Variants in SCHIP1 observed in about 807,000 individuals in gnomAD.
The protein encoded by SCHIP1 is schwannomin interacting protein 1.
In SCHIP1, 8 loss-of-function variants were observed where a neutral mutation model predicts 29.7. The observed-to-expected ratio is 0.27, with a 90% confidence interval of 0.16 to 0.49. The LOEUF (loss-of-function observed/expected upper bound fraction) is 0.49, where lower values mean the gene tolerates loss of function less well. Ranked by LOEUF, SCHIP1 falls within the 20% of genes least tolerant of loss-of-function variation. The probability of loss-of-function intolerance (pLI) is 0.99; values close to 1 mark genes in which losing one functional copy is unlikely to be tolerated. For synonymous variants in SCHIP1, 76 were observed against 94.9 expected (o/e 0.80, Z 1.16); for missense variants, 193 against 294.6 (o/e 0.66, Z 2.52).
chr3:159,507,408 G>A, the SCHIP1 span, among the ~76,000 whole-genome samples: 2 of 152,192 alleles, frequency 1.3e-5, no homozygotes, highest in Non-Finnish European at 2.9e-5. Context: ...CATGTCATCT[G>A]CAAACAGGGA....
the SCHIP1 span, among the ~76,000 whole-genome samples, chr3:159,722,995 A>G: frequency 2.0e-5 from 3 of 152,162 alleles, no homozygotes; most frequent in South Asian, 2.1e-4. Context: ...GGCTATAGCA[A>G]TTGGAACCTG....
the SCHIP1 span, among the ~76,000 whole-genome samples, chr3:159,468,879 G>A: frequency 1.3e-5 from 2 of 150,792 alleles, no homozygotes; most frequent in African/African-American, 4.9e-5. Context: ...CCATTCTCCT[G>A]CCTCAGCCTC....
At chr3:159,549,682 T>C in the SCHIP1 span, among the ~76,000 whole-genome samples, 500 of 152,268 alleles carry the variant, frequency 3.3e-3, 1 homozygote, top group African/African-American at 0.012. Context: ...TTCTGTTGTA[T>C]AAGCCACCCA....
chr3:159,623,842 A>G, the SCHIP1 span, among the ~76,000 whole-genome samples: 1 of 152,060 alleles, frequency 6.6e-6, no homozygotes, highest in African/African-American at 2.4e-5. Flanking sequence ...AAGAATCTCT[A>G]TTTTGCCCAT....
chr3:159,881,860 G>C (rs189260930), intron 2 of SCHIP1, among the ~76,000 whole-genome samples: 103 of 152,310 alleles, frequency 6.8e-4, no homozygotes, highest in African/African-American at 2.4e-3. Flanking sequence ...GGCTTATTCA[G>C]TCATCTCCGG....
chr3:159,611,464 G>C, the SCHIP1 span, among the ~76,000 whole-genome samples: 1 of 147,560 alleles, frequency 6.8e-6, no homozygotes, highest in Non-Finnish European at 1.5e-5. Context: ...TCACTCATAA[G>C]TGGGAGTTGA....
At chr3:159,826,966 CAT>C in the SCHIP1 span, among the ~76,000 whole-genome samples, 10 of 152,298 alleles carry the variant, frequency 6.6e-5, no homozygotes, top group East Asian at 9.6e-4. Flanking sequence ...TACCTGGTGT[CAT>C]GTGTTGGGAG....
the SCHIP1 span, among the ~76,000 whole-genome samples, chr3:159,308,278 G>T: frequency 6.6e-6 from 1 of 152,000 alleles, no homozygotes; most frequent in African/African-American, 2.4e-5. Flanking sequence ...CACAAACTAT[G>T]CATCAGATAA....
the SCHIP1 span, among the ~76,000 whole-genome samples, chr3:159,403,510 A>C: frequency 6.6e-6 from 1 of 152,170 alleles, no homozygotes; most frequent in Non-Finnish European, 1.5e-5. Flanking sequence ...TGATTGAGGG[A>C]CTTCGCATTG....
At chr3:159,543,823 C>A in the SCHIP1 span, among the ~76,000 whole-genome samples, 1 of 152,150 alleles carries the variant, frequency 6.6e-6, no homozygotes, top group Non-Finnish European at 1.5e-5. Context: ...AACTAGTTTA[C>A]AGTCCCACCA....
chr3:159,542,755 G>C, the SCHIP1 span, among the ~76,000 whole-genome samples: 4 of 152,010 alleles, frequency 2.6e-5, no homozygotes, highest in Non-Finnish European at 2.9e-5. Context: ...CCATTTGAGA[G>C]CATGCCATTG....
chr3:159,339,533 A>G, the SCHIP1 span, among the ~76,000 whole-genome samples: 1 of 152,298 alleles, frequency 6.6e-6, no homozygotes, highest in East Asian at 1.9e-4. Flanking sequence ...CTGATTTTCT[A>G]CCAAACTTCT....
At chr3:159,372,777 T>C in the SCHIP1 span, among the ~76,000 whole-genome samples, 11 of 151,990 alleles carry the variant, frequency 7.2e-5, no homozygotes, top group Non-Finnish European at 1.6e-4. Context: ...TTACATGAAA[T>C]TCTGATTTTA....
At chr3:159,613,879 A>G in the SCHIP1 span, among the ~76,000 whole-genome samples, 7 of 152,228 alleles carry the variant, frequency 4.6e-5, no homozygotes, top group Non-Finnish European at 7.3e-5. Context: ...TTCATTCAGA[A>G]TCATTTGTCT....
At chr3:159,642,709 G>A in the SCHIP1 span, among the ~76,000 whole-genome samples, 1 of 152,108 alleles carries the variant, frequency 6.6e-6, no homozygotes, top group African/African-American at 2.4e-5. Flanking sequence ...CACAGGGACA[G>A]AGCTCCACAT....
the SCHIP1 span, among the ~76,000 whole-genome samples, chr3:159,685,469 G>C: frequency 6.6e-6 from 1 of 151,978 alleles, no homozygotes; most frequent in Non-Finnish European, 1.5e-5. Context: ...CCAAAATTTA[G>C]AGAGAAAGAA....
chr3:159,588,591 G>A, the SCHIP1 span, among the ~76,000 whole-genome samples: 2 of 152,120 alleles, frequency 1.3e-5, no homozygotes, highest in African/African-American at 2.4e-5. Context: ...GGTTTTTATG[G>A]TTTTAGGTCT....
At chr3:159,328,442 A>T in the SCHIP1 span, among the ~76,000 whole-genome samples, 1 of 152,172 alleles carries the variant, frequency 6.6e-6, no homozygotes, top group Non-Finnish European at 1.5e-5. Flanking sequence ...ATGAGGCCTA[A>T]AAGAGACAGT....
At chr3:159,302,210 C>T in the SCHIP1 span, among the ~76,000 whole-genome samples, 1 of 152,144 alleles carries the variant, frequency 6.6e-6, no homozygotes, top group Admixed American at 6.6e-5. Context: ...GTCAAGGTGA[C>T]AAGTTGCTTC....
Sources: gnomAD v4.1 joint callset for allele counts (sites outside exome capture counted in the v4.1 genomes callset) on GRCh38, gnomAD v4.1.1 for gene constraint, MANE v1.5 for transcripts, NCBI Gene and HGNC (gene_info 2026-07-23, HGNC 2026-07-21) for gene names.